Variants in RNF114 observed in about 807,000 individuals in gnomAD.
The protein encoded by RNF114 is ring finger protein 114, also known as E3 ubiquitin-protein ligase RNF114.
In RNF114, 6 loss-of-function variants were observed where a neutral mutation model predicts 28.4. That is an observed-to-expected ratio of 0.21 (90% CI 0.12 to 0.42). The LOEUF (loss-of-function observed/expected upper bound fraction) is 0.42. Among genes scored for constraint, RNF114 ranks in the 10% least tolerant of loss-of-function variants. The pLI is 1.00. For synonymous variants in RNF114, 115 were observed against 116.7 expected (o/e 0.99, Z 0.09); for missense variants, 249 against 311.7 (o/e 0.80, Z 1.51).
intron 5 of RNF114, among the ~76,000 whole-genome samples, chr20:49,949,791 C>T (rs2090348447): frequency 3.3e-5 from 5 of 152,122 alleles, no homozygotes; most frequent in Admixed American, 3.3e-4. Context: ...ACTACAGGCG[C>T]ATGCCACCAT....
intron 1 of RNF114, among the ~76,000 whole-genome samples, chr20:49,938,944 GCCCTGC>G (rs2090297215): frequency 6.6e-6 from 1 of 152,192 alleles, no homozygotes; most frequent in Non-Finnish European, 1.5e-5. Flanking sequence ...ATGGCCACAG[GCCCTGC>G]CTGTCTCTAC....
intron 2 of RNF114, chr20:49,943,871 GAGATATATATAT>G (rs1261510327): frequency 1.5e-5 from 1 of 65,560 alleles, no homozygotes; most frequent in East Asian, 2.8e-4. Context: ...CATACACACA[GAGATATATATAT>G]ATATATATAT....
Position 49,936,477 on chromosome 20 carries a change from A to AC in RNF114, c.70dup (p.Leu24ProfsTer73). On this transcript the variant is annotated frameshift_variant, in exon 1 of 6. Coordinates refer to ENST00000244061, the MANE Select transcript of RNF114 (RefSeq NM_018683.4). LOFTEE classifies it high-confidence loss of function. ...CTGGCGGGGCCGGCGGCGGAGGCTG[A>AC]CCCCCTAGGACGCTTCACGTGTCCC... 6.4e-7 allele frequency: 1 copy of AC among 1,554,512 alleles called. No homozygotes were observed. The highest frequency in any genetic ancestry group is 8.7e-7 in the Non-Finnish European group (1 of 1,151,636).
intron 5 of RNF114, among the ~76,000 whole-genome samples, chr20:49,951,142 T>C (rs1302456719): frequency 6.6e-6 from 1 of 152,100 alleles, no homozygotes; most frequent in Non-Finnish European, 1.5e-5. Context: ...AGAGTGGTAT[T>C]CGGTCTTGAT....
intron 5 of RNF114, among the ~76,000 whole-genome samples, chr20:49,951,502 A>C (rs1159854627): frequency 6.6e-6 from 1 of 152,234 alleles, no homozygotes; most frequent in East Asian, 1.9e-4. Context: ...TGTTCTGAGC[A>C]CTTGGTCTGT....
chr20:49,949,023 G>T (rs553115830), intron 4 of RNF114, among the ~76,000 whole-genome samples: 1 of 152,302 alleles, frequency 6.6e-6, no homozygotes, highest in Admixed American at 6.5e-5. Flanking sequence ...GAATGAGAAA[G>T]GGTGGTATCA....
At chr20:49,950,858 G>C (rs191890032) in intron 5 of RNF114, among the ~76,000 whole-genome samples, 60 of 152,098 alleles carry the variant, frequency 3.9e-4, no homozygotes, top group Non-Finnish European at 7.6e-4. Context: ...AAATGCAGGC[G>C]CAGCATTGCC....
intron 1 of RNF114, among the ~76,000 whole-genome samples, chr20:49,936,764 C>G (rs111265874): frequency 6.6e-6 from 1 of 152,118 alleles, no homozygotes; most frequent in African/African-American, 2.4e-5. Flanking sequence ...CTCCGCCCGT[C>G]TTAGCGGGGC....
intron 5 of RNF114, among the ~76,000 whole-genome samples, chr20:49,949,633 G>A (rs1467200715): frequency 6.6e-6 from 1 of 152,138 alleles, no homozygotes; most frequent in Non-Finnish European, 1.5e-5. Context: ...GGCCAGGCAG[G>A]TGGCCAGAGT....
chr20:49,946,766 C>T (rs1426238745), intron 4 of RNF114, among the ~76,000 whole-genome samples: 2 of 152,090 alleles, frequency 1.3e-5, no homozygotes, highest in African/African-American at 4.8e-5. Flanking sequence ...CCTTGGTGTC[C>T]ACCAAATTTC....
chr20:49,940,053 CAAAA>C (rs71190515), intron 1 of RNF114, among the ~76,000 whole-genome samples: 3 of 75,552 alleles, frequency 4.0e-5, no homozygotes, highest in Admixed American at 3.2e-4. Flanking sequence ...GACTCTGTCT[CAAAA>C]AAAAAAAAAA....
intron 1 of RNF114, 119 bp downstream of exon 1, chr20:49,936,671 G>T: frequency 4.6e-6 from 6 of 1,299,278 alleles, no homozygotes; most frequent in South Asian, 3.0e-5. Context: ...CCTCCCGGGG[G>T]TGTCCCCCGG....
chr20:49,941,549 G>A lies in RNF114; in HGVS notation c.141-12G>A, dbSNP rs376889446. 1.6e-5 allele frequency: 25 copies of A among 1,576,998 alleles called. No individual in the cohort carries two copies. The highest frequency in any genetic ancestry group is 2.1e-5 in the Non-Finnish European group (24 of 1,158,890). On this transcript the variant is annotated splice_polypyrimidine_tract_variant and intron_variant, in intron 1 of 5. Coordinates refer to ENST00000244061, the MANE Select transcript of RNF114 (RefSeq NM_018683.4). ...GATGCGTGACAGAGGTTCTCTGTAT[G>A]TCTTGTTCTAGCTTTTGCTCTGCAT...
In RNF114 at chr20:49,939,498, G is replaced by A. The variant is rs114751865; in HGVS notation, c.141-2063G>A. On this transcript the variant is annotated intron_variant, in intron 1 of 5. Coordinates refer to ENST00000244061, the MANE Select transcript of RNF114 (RefSeq NM_018683.4). ...TGTCTTAATCTATCAGGTTGGGTAA[G>A]TAGCCCAGGGTGTCTTCTCCATTCT... Among the ~76,000 whole-genome samples the A allele has an allele frequency of 6.9e-3, 1,050 of 152,252 alleles. 8 individuals are homozygous for A. The highest frequency in any genetic ancestry group is 0.021 in the African/African-American group (854 of 41,562).
intron 4 of RNF114, among the ~76,000 whole-genome samples, chr20:49,947,798 T>TG (rs2090339656): frequency 1.6e-5 from 1 of 63,796 alleles, no homozygotes; most frequent in African/African-American, 4.9e-5. Flanking sequence ...TTTTTTTTTT[T>TG]TTTTTTTTTT....
At chr20:49,938,627 G>A (rs2090296146) in intron 1 of RNF114, among the ~76,000 whole-genome samples, 1 of 152,202 alleles carries the variant, frequency 6.6e-6, no homozygotes, top group Non-Finnish European at 1.5e-5. Context: ...TTTCTTCCTA[G>A]CACTGTGACG....
rs985637386 is a variant in RNF114 at position 49,953,876 on chromosome 20, C to T, written c.*1735C>T. The T allele has an allele frequency of 1.3e-5, 2 of 152,162 alleles. No individual in the cohort carries two copies. Among genetic ancestry groups the T allele is most frequent in the African/African-American group, 4.8e-5 (2 of 41,436 alleles). 9.4% of individuals were successfully genotyped at this position (152,162 alleles called of 1,614,324 possible). A position where few individuals can be genotyped will look rare whatever the true frequency, so the allele number is the denominator to read the frequency against. ...GGTAAAATATAAATAAATTTCATAA[C>T]TTAATCTAAGTGGTAAGCTATGGTT... is the stretch of plus-strand genomic sequence containing the variant. On this transcript the variant is annotated 3_prime_UTR_variant, in exon 6 of 6. Coordinates refer to ENST00000244061, the MANE Select transcript of RNF114 (RefSeq NM_018683.4).
In RNF114 at chr20:49,949,227, A is replaced by G. The variant is rs1197562521; in HGVS notation, c.514-21A>G. 2.5e-6 allele frequency: 4 copies of G among 1,608,188 alleles called. No homozygotes were observed. The South Asian group carries it at 4.4e-5, about 18-fold the overall frequency. On this transcript the variant is annotated intron_variant, in intron 4 of 5. Transcript: ENST00000244061. ...CAAGCTTGGAAATTGGGTGCCTAAG[A>G]CCTTGCTTTTGTGTTGAAAGGTTTG...
chr20:49,946,201 G>C lies in RNF114; in HGVS notation c.464G>C (p.Gly155Ala). The change falls in exon 4 of 6, where the codon GGA (glycine) becomes GCA (alanine). Residue 155 changes from glycine to alanine, a missense_variant. Physicochemically the swap from Gly to Ala is moderately conservative, Grantham distance 60 (BLOSUM62 0). Around this residue, in one of 2 missense-constraint regions of RNF114, gnomAD observed 126 missense variants for 205.3 expected, o/e 0.61. Coordinates refer to ENST00000244061, the MANE Select transcript of RNF114 (RefSeq NM_018683.4). The stretch of plus-strand genomic sequence containing the variant: ...CCTGAGAAGAACTTTGATCAGGAAG[G>C]ACTTGTGGAACACTGCAAATTATTC... Reference protein sequence around the residue: ...YCPEKNFDQEGLVEHCKLFHS... With the variant: ...YCPEKNFDQEALVEHCKLFHS... 1 of 1,612,112 alleles carries C rather than the reference G, an allele frequency of 6.2e-7. No individual in the cohort carries two copies. The highest frequency in any genetic ancestry group is 1.1e-5 in the South Asian group (1 of 90,792).
Sources: allele counts gnomAD v4.1 joint callset (sites outside exome capture counted in the v4.1 genomes callset), GRCh38; gene constraint gnomAD v4.1.1; regional missense constraint gnomAD v4.1.1; transcripts MANE v1.5; gene names NCBI Gene and HGNC (gene_info 2026-07-23, HGNC 2026-07-21).